Variants in XKR9 observed in about 807,000 individuals in gnomAD.
XKR9 encodes XK related 9.
A neutral mutation model predicts 32.0 loss-of-function variants in XKR9; 32 were observed. The observed-to-expected ratio is 1.00, with a 90% confidence interval of 0.76 to 1.34. The LOEUF is 1.34. Among genes scored for constraint, XKR9 ranks in the 40% most tolerant of loss-of-function variants. XKR9 has a pLI of 0.00. For synonymous variants in XKR9, 168 were observed against 143.4 expected (o/e 1.17, Z -1.22); for missense variants, 546 against 429.7 (o/e 1.27, Z -2.39).
chr8:70,802,897 T>C, the XKR9 span, among the ~76,000 whole-genome samples: 1 of 152,234 alleles, frequency 6.6e-6, no homozygotes, highest in Non-Finnish European at 1.5e-5. Flanking sequence ...TTTCTTTCAT[T>C]TCAACTTTGG....
the XKR9 span, among the ~76,000 whole-genome samples, chr8:71,018,694 C>CAGGATGGGAAATTAGCA: frequency 6.6e-6 from 1 of 151,944 alleles, no homozygotes; most frequent in Non-Finnish European, 1.5e-5. Flanking sequence ...AAACTTCAGC[C>CAGGATGGGAAATTAGCA]AGGATGGGAA....
At chr8:70,992,646 A>C in the XKR9 span, among the ~76,000 whole-genome samples, 1 of 152,244 alleles carries the variant, frequency 6.6e-6, no homozygotes, top group Non-Finnish European at 1.5e-5. Flanking sequence ...GGAGACTAGA[A>C]GACAGGAGAG....
the XKR9 span, among the ~76,000 whole-genome samples, chr8:71,002,814 C>T: frequency 6.6e-6 from 1 of 152,192 alleles, no homozygotes; most frequent in East Asian, 1.9e-4. Flanking sequence ...CACTCAGATA[C>T]CTTCTCAAAT....
the XKR9 span, among the ~76,000 whole-genome samples, chr8:70,994,759 T>A: frequency 6.6e-6 from 1 of 151,726 alleles, no homozygotes. Context: ...TTTTTTTTTT[T>A]TTTGCCTTGT....
the XKR9 span, among the ~76,000 whole-genome samples, chr8:71,046,332 G>C: frequency 7.9e-5 from 12 of 152,146 alleles, no homozygotes; most frequent in African/African-American, 2.7e-4. Context: ...GGCTCTCAAG[G>C]CTGCCGAGGG....
the XKR9 span, among the ~76,000 whole-genome samples, chr8:70,896,899 A>C: frequency 5.9e-5 from 9 of 152,230 alleles, no homozygotes; most frequent in African/African-American, 2.2e-4. Context: ...ATACTCTTTT[A>C]GTTATTTAAA....
At chr8:70,845,113 C>T in the XKR9 span, among the ~76,000 whole-genome samples, 1 of 152,194 alleles carries the variant, frequency 6.6e-6, no homozygotes, top group Admixed American at 6.5e-5. Flanking sequence ...CCCAATAAAA[C>T]CTCACCACAG....
At chr8:70,720,800 G>C (rs1806253955) in intron 4 of XKR9, among the ~76,000 whole-genome samples, 1 of 152,160 alleles carries the variant, frequency 6.6e-6, no homozygotes, top group South Asian at 2.1e-4. Flanking sequence ...TTGGTGACAG[G>C]ATGATGCTTG....
At chr8:70,798,585 G>C in the XKR9 span, among the ~76,000 whole-genome samples, 1 of 152,106 alleles carries the variant, frequency 6.6e-6, no homozygotes, top group East Asian at 1.9e-4. Context: ...TTTTGTTTTT[G>C]TTGCAATCGC....
At chr8:71,016,738 T>C in the XKR9 span, among the ~76,000 whole-genome samples, 1 of 152,176 alleles carries the variant, frequency 6.6e-6, no homozygotes, top group Non-Finnish European at 1.5e-5. Flanking sequence ...TTTCCACCAG[T>C]AGTAATAAAT....
At chr8:70,904,062 G>A in the XKR9 span, among the ~76,000 whole-genome samples, 362 of 152,298 alleles carry the variant, frequency 2.4e-3, 3 homozygotes, top group East Asian at 0.018. Context: ...ATTGGAATAA[G>A]TGTGATGTGG....
the XKR9 span, among the ~76,000 whole-genome samples, chr8:71,041,430 A>G: frequency 6.6e-6 from 1 of 152,216 alleles, no homozygotes; most frequent in Non-Finnish European, 1.5e-5. Flanking sequence ...ATGATAAATC[A>G]GAGATTGCTA....
chr8:70,758,307 T>A (rs1807258455), intron 2 of XKR9, among the ~76,000 whole-genome samples: 1 of 152,144 alleles, frequency 6.6e-6, no homozygotes, highest in African/African-American at 2.4e-5. Flanking sequence ...TGACCACACT[T>A]AGCTGGTAAA....
chr8:70,699,737 T>C (rs1306467123), intron 3 of XKR9, among the ~76,000 whole-genome samples: 1 of 152,248 alleles, frequency 6.6e-6, no homozygotes, highest in Non-Finnish European at 1.5e-5. Context: ...CCTGCCTTGC[T>C]AGATTGGGGA....
the XKR9 span, among the ~76,000 whole-genome samples, chr8:71,002,929 C>T: frequency 0.32 from 48,491 of 152,128 alleles, 9,071 homozygotes; most frequent in Non-Finnish European, 0.43. Flanking sequence ...GAGAGTCTAG[C>T]TGAGGGAAGG....
the XKR9 span, among the ~76,000 whole-genome samples, chr8:70,955,404 G>C: frequency 6.6e-6 from 1 of 152,126 alleles, no homozygotes; most frequent in Non-Finnish European, 1.5e-5. Flanking sequence ...ATTTTTAAAA[G>C]GATGTTATAT....
downstream of XKR9, among the ~76,000 whole-genome samples, chr8:70,739,225 G>T (rs1228122418): frequency 6.6e-6 from 1 of 152,004 alleles, no homozygotes; most frequent in East Asian, 1.9e-4. Context: ...TTAAGTAATG[G>T]CCTTCTTTGT....
chr8:70,970,659 T>C, the XKR9 span, among the ~76,000 whole-genome samples: 1 of 152,220 alleles, frequency 6.6e-6, no homozygotes, highest in South Asian at 2.1e-4. Flanking sequence ...CATCCTTTTT[T>C]ATTGCATAGT....
intron 2 of XKR9, among the ~76,000 whole-genome samples, chr8:70,782,583 C>T (rs902512161): frequency 2.6e-5 from 4 of 151,906 alleles, no homozygotes; most frequent in African/African-American, 4.8e-5. Context: ...TCCCATCTCT[C>T]CCAACCCCTA....
Sources: allele counts gnomAD v4.1 joint callset (sites outside exome capture counted in the v4.1 genomes callset), GRCh38; gene constraint gnomAD v4.1.1; transcripts MANE v1.5; gene names NCBI Gene and HGNC (gene_info 2026-07-23, HGNC 2026-07-21).